The following KALRN variants were observed in gnomAD, a reference collection of about 807,000 sequenced individuals.
The protein encoded by KALRN is kalirin RhoGEF kinase.
KALRN carries 70 observed loss-of-function variants against 353.7 expected under a neutral mutation model. That is an observed-to-expected ratio of 0.20 (90% CI 0.16 to 0.24). KALRN has a LOEUF of 0.24. KALRN is among the 10% of genes least tolerant of loss of function. KALRN has a pLI of 1.00. For missense variants in KALRN, 2,791 were observed against 3,756.7 expected, an observed-to-expected ratio of 0.74 and a Z score of 6.72; for synonymous variants, 1,391 against 1,434.8, an observed-to-expected ratio of 0.97 and a Z score of 0.69.
rs34633708 is a variant in KALRN at position 124,146,874 on chromosome 3, C to CAAAAAAAAAAAAAA, written c.74-81109_74-81096dup. 1.1e-3 allele frequency among the ~76,000 whole-genome samples: 55 copies of CAAAAAAAAAAAAAA among 49,874 alleles called. 2 individuals carry two copies. Among genetic ancestry groups the CAAAAAAAAAAAAAA allele is most frequent in the Non-Finnish European group, 1.7e-3 (48 of 29,082 alleles). 32.7% of individuals were successfully genotyped at this position (49,874 alleles called of 152,430 possible). A position where few individuals can be genotyped will look rare whatever the true frequency, so the allele number is the denominator to read the frequency against. On this transcript the variant is annotated intron_variant, in intron 1 of 59. Coordinates refer to ENST00000682506, the MANE Select transcript of KALRN (RefSeq NM_001388419.1). Reference sequence around the variant, plus strand: ...CCTGGGCAATAGAGCGACTCTGTCTCAAAAAAAAAAAAAAAAAAAAGAAAA... The same window carrying CAAAAAAAAAAAAAA: ...CCTGGGCAATAGAGCGACTCTGTCTCAAAAAAAAAAAAAAAAAAAAAAAAAAAAAAAAAAGAAAA...
At chr3:124,150,137 G>A (rs2067896956) in intron 1 of KALRN, among the ~76,000 whole-genome samples, 1 of 152,128 alleles carries the variant, frequency 6.6e-6, no homozygotes, top group South Asian at 2.1e-4. Context: ...CTTCATTAGA[G>A]GGTGTTAGCC....
At chr3:124,383,309 G>C (rs936544879) in intron 10 of KALRN, among the ~76,000 whole-genome samples, 2 of 152,186 alleles carry the variant, frequency 1.3e-5, no homozygotes, top group Non-Finnish European at 2.9e-5. Flanking sequence ...GTTTCCTGGG[G>C]CTGTTGTAAC....
chr3:124,057,066 C>T lies in KALRN; in HGVS notation c.73+23253C>T, dbSNP rs529775189. On this transcript the variant is annotated intron_variant, in intron 1 of 59. Transcript: ENST00000682506. ...TTGGCTGGCCCTGCCAGATCTTTTT[C>T]CTCTCTCTTAGAGGGAGTTTTAACT... Among the ~76,000 whole-genome samples the T allele has an allele frequency of 3.3e-5, 5 of 152,316 alleles. No homozygotes were observed. In the South Asian group the frequency reaches 1.0e-3, roughly 32 times the overall value.
At chr3:124,433,962 TTTG>T (rs2093377911) in intron 16 of KALRN, among the ~76,000 whole-genome samples, 1 of 152,202 alleles carries the variant, frequency 6.6e-6, no homozygotes, top group African/African-American at 2.4e-5. Flanking sequence ...TATTATTCTA[TTTG>T]TAAAGGAAAT....
intron 34 of KALRN, among the ~76,000 whole-genome samples, chr3:124,587,698 C>CTTTTTTTTTTTTTTTTTTTTTTTTTTT (rs529810541): frequency 9.2e-5 from 7 of 75,860 alleles, no homozygotes; most frequent in Non-Finnish European, 1.2e-4. Flanking sequence ...CCACCCTCCA[C>CTTTTTTTTTTTTTTTTTTTTTTTTTTT]TTTTTTTTTT....
chr3:124,417,755 C>T (rs1021996783), intron 14 of KALRN, among the ~76,000 whole-genome samples: 1 of 152,188 alleles, frequency 6.6e-6, no homozygotes, highest in Non-Finnish European at 1.5e-5. Context: ...CTAAGCCTTG[C>T]CTTCCTCTGA....
At chr3:124,068,001 A>G (rs979992467) in intron 1 of KALRN, among the ~76,000 whole-genome samples, 2 of 152,246 alleles carry the variant, frequency 1.3e-5, no homozygotes, top group African/African-American at 4.8e-5. Flanking sequence ...AGTGGCCTTA[A>G]GGAGGTCAAA....
chr3:124,705,448 G>A (rs1474044162), intron 57 of KALRN, among the ~76,000 whole-genome samples: 2 of 152,082 alleles, frequency 1.3e-5, no homozygotes, highest in Non-Finnish European at 2.9e-5. Context: ...TTCAAGACCT[G>A]AGTGAGTCAG....
At chr3:124,170,520 C>T (rs773263227) in intron 1 of KALRN, among the ~76,000 whole-genome samples, 19 of 152,108 alleles carry the variant, frequency 1.2e-4, no homozygotes, top group Non-Finnish European at 7.4e-5. Context: ...CCCTAAATGT[C>T]AGGTTAAGGA....
chr3:124,179,189 A>T (rs2073210073), intron 1 of KALRN, among the ~76,000 whole-genome samples: 1 of 152,270 alleles, frequency 6.6e-6, no homozygotes, highest in African/African-American at 2.4e-5. Context: ...TTTTGTAATA[A>T]CACAACTTAA....
intron 10 of KALRN, among the ~76,000 whole-genome samples, chr3:124,378,497 A>G (rs185836808): frequency 6.6e-6 from 1 of 150,820 alleles, no homozygotes; most frequent in East Asian, 1.9e-4. Flanking sequence ...AGTGCTCTTG[A>G]TTCCTGTGTA....
intron 28 of KALRN, 136 bp downstream of exon 28, chr3:124,483,036 C>A: frequency 1.5e-6 from 1 of 676,342 alleles, no homozygotes. Flanking sequence ...TCAGCCCACA[C>A]TGGCATCGCT....
chr3:124,626,601 A>G (rs144498556), intron 34 of KALRN, among the ~76,000 whole-genome samples: 120 of 152,264 alleles, frequency 7.9e-4, no homozygotes, highest in African/African-American at 2.8e-3. Context: ...CCATTTACTT[A>G]ATGCCAGTCA....
chr3:124,302,750 A>C (rs569269602), intron 6 of KALRN, among the ~76,000 whole-genome samples: 2 of 152,308 alleles, frequency 1.3e-5, no homozygotes, highest in Non-Finnish European at 2.9e-5. Flanking sequence ...AGGTGATGGC[A>C]GGTTTAGTTT....
intron 34 of KALRN, among the ~76,000 whole-genome samples, chr3:124,587,694 T>C (rs953750739): frequency 1.3e-3 from 143 of 108,420 alleles, no homozygotes; most frequent in Admixed American, 2.3e-3. Flanking sequence ...ACCCCCACCC[T>C]CCACTTTTTT....
At position 124,044,867 on chromosome 3, in the gene KALRN, T is replaced by C. The variant is rs192472618; in HGVS notation, c.73+11054T>C. Among the ~76,000 whole-genome samples the C allele has an allele frequency of 5.1e-3, 121 of 23,910 alleles. 4 individuals carry two copies. Among genetic ancestry groups the C allele is most frequent in the African/African-American group, 0.012 (115 of 9,376 alleles). 15.7% of individuals were successfully genotyped at this position (23,910 alleles called of 152,430 possible). On this transcript the variant is annotated intron_variant, in intron 1 of 59. Transcript: ENST00000682506. ...CCTCCCTCCCTCCCTCCCTCCTTCC[T>C]TCCTTCCTTCCTTCCTTCCTTCCTT...
intron 6 of KALRN, among the ~76,000 whole-genome samples, chr3:124,319,904 GA>G (rs1384184465): frequency 9.2e-5 from 14 of 152,064 alleles, no homozygotes; most frequent in Non-Finnish European, 1.9e-4. Flanking sequence ...TGAGGCAGGA[GA>G]ATTGCTTGAA....
chr3:124,651,017 A>G (rs1319738086), intron 38 of KALRN, 79 bp downstream of exon 38: 1 of 1,547,450 alleles, frequency 6.5e-7, no homozygotes, highest in Non-Finnish European at 8.8e-7. Context: ...GGAAAATTCG[A>G]GAGGGGTTCC....
At chr3:124,495,965 GTATATATATATA>G (rs768441029) in intron 32 of KALRN, among the ~76,000 whole-genome samples, 2,721 of 41,472 alleles carry the variant, frequency 0.066, 355 homozygotes, top group East Asian at 0.081. Flanking sequence ...GTGTATGTAT[GTATATATATATA>G]TATATATATA....
Sources: allele counts gnomAD v4.1 joint callset (sites outside exome capture counted in the v4.1 genomes callset), GRCh38; gene constraint gnomAD v4.1.1; transcripts MANE v1.5; gene names NCBI Gene and HGNC (gene_info 2026-07-23, HGNC 2026-07-21).